CHRM2: variants seen among roughly 807,000 people sequenced by gnomAD.
CHRM2 encodes the protein muscarinic acetylcholine receptor M2.
A neutral mutation model predicts 25.0 loss-of-function variants in CHRM2; 8 were observed. That is an observed-to-expected ratio of 0.32 (90% confidence interval 0.19 to 0.58). CHRM2 has a LOEUF of 0.58. Ranked by LOEUF, CHRM2 falls within the 20% of genes least tolerant of loss-of-function variation. The pLI, the probability that CHRM2 is intolerant of heterozygous loss-of-function variation, is 0.88. For synonymous variants in CHRM2, 202 were observed against 205.7 expected (o/e 0.98, Z 0.15); for missense variants, 440 against 567.1 (o/e 0.78, Z 2.28).
chr7:136,912,311 T>C (rs1449871891), intron 2 of CHRM2, among the ~76,000 whole-genome samples: 1 of 152,002 alleles, frequency 6.6e-6, no homozygotes, highest in East Asian at 1.9e-4. Flanking sequence ...CAAATATTTA[T>C]TGAGTACCTA....
intron 2 of CHRM2, among the ~76,000 whole-genome samples, chr7:136,989,227 T>C (rs371934969): frequency 6.6e-6 from 1 of 151,134 alleles, no homozygotes; most frequent in African/African-American, 2.4e-5. Flanking sequence ...TAAAGATTTT[T>C]GTTTTTATAG....
intron 2 of CHRM2, among the ~76,000 whole-genome samples, chr7:136,879,797 C>T (rs141690811): frequency 1.3e-5 from 2 of 152,026 alleles, no homozygotes; most frequent in African/African-American, 4.8e-5. Flanking sequence ...TAAGAATTTA[C>T]TGAAAACTCA....
intron 2 of CHRM2, among the ~76,000 whole-genome samples, chr7:136,925,923 A>G (rs1331777389): frequency 6.6e-6 from 1 of 152,206 alleles, no homozygotes; most frequent in Non-Finnish European, 1.5e-5. Flanking sequence ...AGGCTTTAAT[A>G]TGGTGTCCCT....
chr7:136,872,755 G>T (rs1055372232), intron 2 of CHRM2, among the ~76,000 whole-genome samples: 4 of 152,144 alleles, frequency 2.6e-5, no homozygotes, highest in South Asian at 4.1e-4. Flanking sequence ...GTACAAAAGA[G>T]GGAGAAGAGA....
At chr7:136,967,470 T>C (rs888241773) in intron 2 of CHRM2, among the ~76,000 whole-genome samples, 3 of 151,868 alleles carry the variant, frequency 2.0e-5, no homozygotes, top group Admixed American at 1.3e-4. Context: ...AAAACAAAAT[T>C]TAACCTTAAA....
At chr7:136,993,158 A>G (rs897285423) in intron 3 of CHRM2, among the ~76,000 whole-genome samples, 1 of 152,182 alleles carries the variant, frequency 6.6e-6, no homozygotes, top group Non-Finnish European at 1.5e-5. Flanking sequence ...AGGTATTTTT[A>G]TTCATAGAAG....
At chr7:136,906,777 C>T (rs950518171) in intron 2 of CHRM2, 8 of 151,488 alleles carry the variant, frequency 5.3e-5, no homozygotes, top group Non-Finnish European at 8.8e-5. Context: ...ACCAGTTTCC[C>T]GGAAGATAAT....
chr7:136,976,653 G>A (rs2061174), intron 2 of CHRM2, among the ~76,000 whole-genome samples: 91,372 of 152,008 alleles, frequency 0.6, 28,459 homozygotes, highest in Non-Finnish European at 0.68. Context: ...GCCTATTCTC[G>A]TGCATCAGGT....
At chr7:136,874,108 A>G (rs564057053) in intron 2 of CHRM2, among the ~76,000 whole-genome samples, 22 of 152,286 alleles carry the variant, frequency 1.4e-4, no homozygotes, top group African/African-American at 5.1e-4. Flanking sequence ...CACACATCCC[A>G]ATCCCAGTCT....
intron 2 of CHRM2, among the ~76,000 whole-genome samples, chr7:136,936,588 CTG>C (rs1427076918): frequency 6.8e-6 from 1 of 147,094 alleles, no homozygotes; most frequent in African/African-American, 2.4e-5. Context: ...ATGTTTGAGT[CTG>C]TGTGCATGTA....
At chr7:136,993,655 C>T (rs953210186) in intron 3 of CHRM2, among the ~76,000 whole-genome samples, 2 of 152,094 alleles carry the variant, frequency 1.3e-5, no homozygotes, top group African/African-American at 4.8e-5. Context: ...CTAGGAAGAA[C>T]ATGATAATGG....
At chr7:136,989,805 C>T (rs1584885944) in intron 2 of CHRM2, among the ~76,000 whole-genome samples, 1 of 152,186 alleles carries the variant, frequency 6.6e-6, no homozygotes, top group African/African-American at 2.4e-5. Context: ...ACTTAAAATA[C>T]AAATTTATTC....
chr7:136,930,497 T>A (rs918076506), intron 2 of CHRM2, among the ~76,000 whole-genome samples: 2 of 152,124 alleles, frequency 1.3e-5, no homozygotes, highest in Non-Finnish European at 2.9e-5. Context: ...AAATTAAAAT[T>A]TAAGTTTAAA....
At chr7:136,998,027 TGAAGA>T (rs1803720014) in intron 3 of CHRM2, among the ~76,000 whole-genome samples, 1 of 152,178 alleles carries the variant, frequency 6.6e-6, no homozygotes, top group Non-Finnish European at 1.5e-5. Flanking sequence ...GCTATGACAT[TGAAGA>T]GAATATACAA....
chr7:136,892,788 G>T (rs1466780962), intron 2 of CHRM2, among the ~76,000 whole-genome samples: 2 of 151,468 alleles, frequency 1.3e-5, no homozygotes, highest in Admixed American at 1.3e-4. Flanking sequence ...TCCTGCCTCA[G>T]CCTCCTGGGC....
chr7:137,009,174 A>G (rs1257334546), intron 3 of CHRM2, among the ~76,000 whole-genome samples: 2 of 152,144 alleles, frequency 1.3e-5, no homozygotes, highest in African/African-American at 2.4e-5. Flanking sequence ...GCCTGACCTC[A>G]GCAGTGTGTG....
intron 2 of CHRM2, among the ~76,000 whole-genome samples, chr7:136,886,108 T>G (rs1796454357): frequency 6.6e-6 from 1 of 152,212 alleles, no homozygotes; most frequent in East Asian, 1.9e-4. Context: ...TCATATGCCC[T>G]ACACCATCCT....
intron 2 of CHRM2, among the ~76,000 whole-genome samples, chr7:136,989,505 T>G (rs1372506754): frequency 6.6e-6 from 1 of 152,194 alleles, no homozygotes; most frequent in East Asian, 1.9e-4. Context: ...TGTGCATCCA[T>G]GATACCCACT....
intron 2 of CHRM2, among the ~76,000 whole-genome samples, chr7:136,910,324 T>A (rs1391453175): frequency 6.6e-6 from 1 of 151,912 alleles, no homozygotes; most frequent in Admixed American, 6.6e-5. Context: ...TTAGTAACAT[T>A]CTATGTCTAC....
Sources: allele counts gnomAD v4.1 joint callset (sites outside exome capture counted in the v4.1 genomes callset), GRCh38; gene constraint gnomAD v4.1.1; transcripts MANE v1.5; gene names NCBI Gene and HGNC (gene_info 2026-07-23, HGNC 2026-07-21).